Variants in DCTN1 observed in about 807,000 individuals in gnomAD.
DCTN1 encodes the protein 150 kDa dynein-associated polypeptide.
A neutral mutation model predicts 161.2 loss-of-function variants in DCTN1; 61 were observed. The observed-to-expected ratio is 0.38, with a 90% CI of 0.31 to 0.47. DCTN1 has a LOEUF of 0.47. Ranked by LOEUF, DCTN1 falls within the 20% of genes least tolerant of loss-of-function variation. DCTN1 has a pLI of 0.99. For missense variants in DCTN1, 1,404 were observed against 1,623.7 expected (o/e 0.86, Z 2.33); for synonymous variants, 653 against 632.4 (o/e 1.03, Z -0.49).
chr2:74,371,254 A>G, intron 8 of DCTN1, 78 bp from the exon 9 acceptor site: 1 of 1,606,274 alleles, frequency 6.2e-7, no homozygotes, highest in Non-Finnish European at 8.5e-7. Context: ...CAAAGAACAC[A>G]AGAAAGTGTG....
chr2:74,366,007 A>T lies in DCTN1; in HGVS notation c.2772T>A (p.Val924=). The change falls in exon 24 of 32, where the codon GTT becomes GTA. Residue 924 remains valine, a synonymous_variant. Coordinates refer to ENST00000628224, the MANE Select transcript of DCTN1 (RefSeq NM_004082.5). ...CACGAAGGGCAGCAGCCCGCAGTTC[A>T]ACCGGTGGAGGCTAAGGAATGGTCG... ...AERPPSKPPP[V]ELRAAALRAE... is the part of the protein sequence containing the mutation. 6.2e-7 allele frequency: 1 copy of T among 1,614,244 alleles called. No homozygotes were observed. Among genetic ancestry groups the T allele is most frequent in the Non-Finnish European group, 8.5e-7 (1 of 1,180,050 alleles).
At chr2:74,362,483 T>C (rs1181305378) in intron 30 of DCTN1, among the ~76,000 whole-genome samples, 167 bp downstream of exon 30, 3 of 152,156 alleles carry the variant, frequency 2.0e-5, no homozygotes. Context: ...GAATCTGTCT[T>C]CTGTTTGCAC....
At position 74,380,059 on chromosome 2, in the gene DCTN1, C is replaced by T. The variant is rs531651190; in HGVS notation, c.-22G>A. 6.2e-7 allele frequency: 1 copy of T among 1,613,986 alleles called. No individual in the cohort carries two copies. Among genetic ancestry groups the T allele is most frequent in the African/African-American group, 1.3e-5 (1 of 75,034 alleles). On this transcript the variant is annotated 5_prime_UTR_variant, in exon 1 of 32. Transcript: ENST00000628224. ...CCATGTTGCTCACCCGGCCTCTACC[C>T]CCTCCCCCAGCTGGCCAAAGACAGA...
chr2:74,382,594 CAA>C (rs567355218), upstream of DCTN1, among the ~76,000 whole-genome samples: 10 of 66,920 alleles, frequency 1.5e-4, no homozygotes, highest in Admixed American at 1.7e-4. Context: ...GACTGAGACT[CAA>C]AAAAAAAAAA....
At position 74,371,545 on chromosome 2, in the gene DCTN1, G is replaced by A; in HGVS notation, c.637C>T (p.Pro213Ser). The A allele has an allele frequency of 1.3e-6, 2 of 1,573,742 alleles. No individual in the cohort carries two copies. The highest frequency in any genetic ancestry group is 8.6e-7 in the Non-Finnish European group (1 of 1,159,796). ...CCTACCCCAGGCCTTACCTTGGATG[G>A]GGAAGGAAGCGGGGGGACTGCTCCA... The part of the protein sequence containing the change: ...SPGAVPPLPS[P>S]SKEEEGLRAQ... Residue 213 changes from proline (P) to serine (S), a missense_variant, in exon 8 of 32, where the codon CCA (proline) becomes TCA (serine). By Grantham distance (74) the Pro-to-Ser change is moderately conservative. Around this residue, in one of 9 missense-constraint regions of DCTN1, gnomAD observed 174 missense variants for 175.6 expected, o/e 0.99. Coordinates refer to ENST00000628224, the MANE Select transcript of DCTN1 (RefSeq NM_004082.5).
At chr2:74,380,435 T>C (rs1675465139), upstream of DCTN1, 4 of 489,538 alleles carry the variant, frequency 8.2e-6, no homozygotes, top group South Asian at 4.6e-5. Flanking sequence ...CACTCAACTC[T>C]TGAATACACT....
chr2:74,380,172 TC>T lies in DCTN1; in HGVS notation c.-136del. 1 of 912,612 alleles carries T rather than the reference TC, an allele frequency of 1.1e-6. No individual in the cohort carries two copies. The highest frequency in any genetic ancestry group is 1.8e-6 in the Non-Finnish European group (1 of 568,314). 56.5% of individuals were successfully genotyped at this position (912,612 alleles called of 1,614,324 possible). On this transcript the variant is annotated 5_prime_UTR_variant, in exon 1 of 32. The change creates a premature stop within an existing upstream ORF in the 5' untranslated region. Coordinates refer to ENST00000628224, the MANE Select transcript of DCTN1 (RefSeq NM_004082.5). ...AGTCGTCAGGCACAGCCCTCCCCAGTCCATGGGCCTCACTCGGTGGCCTACA... is the reference window on the plus strand; with the variant it reads ...AGTCGTCAGGCACAGCCCTCCCCAGTCATGGGCCTCACTCGGTGGCCTACA...
intron 25 of DCTN1, 43 bp from the exon 26 acceptor site, chr2:74,365,284 A>C: frequency 6.2e-7 from 1 of 1,611,692 alleles, no homozygotes; most frequent in Non-Finnish European, 8.5e-7. Context: ...CCTTCTCTAA[A>C]GCACTCCTTG....
In DCTN1 at chr2:74,363,309, C is replaced by T. The variant is rs1317446876; in HGVS notation, c.3330G>A (p.Glu1110=). The part of the protein sequence containing the change: ...MRLHISQLQH[E]NSILKGAQMK... ...GCTCCCTCACCTTGAGGATGCTGTT[C>T]TCATGCTGGAGCTGGGAGATGTGCA... The change falls in exon 28 of 32, where the codon GAG becomes GAA. Residue 1110 remains glutamate (E), a synonymous_variant. Transcript: ENST00000628224. The T allele has an allele frequency of 6.2e-7, 1 of 1,613,970 alleles. No homozygotes were observed. The highest frequency in any genetic ancestry group is 2.2e-5 in the East Asian group (1 of 44,878).
rs578075574 is a variant in DCTN1, at chr2:74,362,848, G to T, written c.3530-119C>A. ...CAGAACAAGTACTTGAGAGAGAGTGGGTGAATCAAACAAACTGAACAGTGA... is the reference window on the plus strand; with the variant it reads ...CAGAACAAGTACTTGAGAGAGAGTGTGTGAATCAAACAAACTGAACAGTGA... On this transcript the variant is annotated intron_variant, in intron 29 of 31. Coordinates refer to ENST00000628224, the MANE Select transcript of DCTN1 (RefSeq NM_004082.5). The T allele has an allele frequency of 1.3e-5, 17 of 1,298,624 alleles. No homozygotes were observed. In the South Asian group the frequency reaches 2.0e-4, roughly 15 times the overall value. The allele number at this position is 1,298,624 out of a possible 1,614,324, so 80.4% of individuals were successfully genotyped here.
Position 74,367,036 on chromosome 2 carries a change from T to C in DCTN1, c.2316+9A>G, listed in dbSNP as rs1349543938. ...AGAGGAGCTCACACAGATCTAGATG[T>C]GTTCTCACCTGCAAGAAGGCACGCA... On this transcript the variant is annotated intron_variant, in intron 20 of 31. Transcript: ENST00000628224. The C allele has an allele frequency of 6.2e-7, 1 of 1,614,210 alleles. No individual in the cohort carries two copies.
chr2:74,371,148 C>A lies in DCTN1; in HGVS notation c.674G>T (p.Arg225Leu). 6.2e-7 allele frequency: 1 copy of A among 1,614,018 alleles called. No individual in the cohort carries two copies. Among genetic ancestry groups the A allele is most frequent in the Non-Finnish European group, 8.5e-7 (1 of 1,180,048 alleles). The change falls in exon 9 of 32, where the codon CGG becomes CTG. Residue 225 changes from arginine to leucine, a missense_variant. Coordinates refer to ENST00000628224, the MANE Select transcript of DCTN1 (RefSeq NM_004082.5). ...GGTCTCTAGTTTCTCCTCCAGGTCC[C>A]GCACCTGAGCCCTTAGTCCCTCCTC... is the stretch of plus-strand genomic sequence containing the variant. ...KEEEGLRAQV[R>L]DLEEKLETLR...
rs1394864492 is a variant in DCTN1, at chr2:74,378,243, C to T, written c.36G>A (p.Thr12=). ...CCGCACTCATCCTGCTGCCGCTGGG[C>T]GTCTGAAAGACACAGGTAAACACAG... is the stretch of plus-strand genomic sequence containing the variant. ...AQSKRHVYSR[T]PSGSRMSAEA... The change falls in exon 2 of 32, where the codon ACG becomes ACA. Residue 12 remains threonine, a splice_region_variant and synonymous_variant. Transcript: ENST00000628224. 34 of 1,606,454 alleles carry T rather than the reference C, an allele frequency of 2.1e-5. No individual in the cohort carries two copies. The highest frequency in any genetic ancestry group is 2.7e-5 in the African/African-American group (2 of 74,914).
rs994460155 is a variant in DCTN1 at position 74,361,775 on chromosome 2, C to T, written c.3700-139G>A. The T allele has an allele frequency of 2.7e-6, 3 of 1,109,994 alleles. No homozygotes were observed. The Admixed American group carries it at 6.4e-5, about 24-fold the overall frequency. 68.8% of individuals were successfully genotyped at this position (1,109,994 alleles called of 1,614,324 possible). A position where few individuals can be genotyped will look rare whatever the true frequency, so the allele number is the denominator to read the frequency against. ...CTGAGATCCTGGGCTATTGTGACCACATTTTTCAAATAAGAATGGGGATAC... is the reference window on the plus strand; with the variant it reads ...CTGAGATCCTGGGCTATTGTGACCATATTTTTCAAATAAGAATGGGGATAC... On this transcript the variant is annotated intron_variant, in intron 31 of 31. Coordinates refer to ENST00000628224, the MANE Select transcript of DCTN1 (RefSeq NM_004082.5).
intron 29 of DCTN1, 67 bp downstream of exon 29, chr2:74,362,927 G>C (rs898428691): frequency 3.2e-6 from 5 of 1,566,386 alleles, no homozygotes; most frequent in Non-Finnish European, 4.4e-6. Flanking sequence ...CACCTGAGCA[G>C]GGGCTAAATC....
chr2:74,369,060 C>T lies in DCTN1; in HGVS notation c.1701+38G>A. Reference sequence around the variant, plus strand: ...AGCCCAGACCCCATACCAGTTCATCCCAGGCAGGGCTCCCTCAGACCCACA... The same window carrying T: ...AGCCCAGACCCCATACCAGTTCATCTCAGGCAGGGCTCCCTCAGACCCACA... On this transcript the variant is annotated intron_variant, in intron 15 of 31. Transcript: ENST00000628224. The surrounding 1 kb of genome is among the most constrained non-coding windows in gnomAD (Gnocchi z 4.9). 1 of 1,605,726 alleles carries T rather than the reference C, an allele frequency of 6.2e-7. No homozygotes were observed. The highest frequency in any genetic ancestry group is 1.1e-5 in the South Asian group (1 of 90,870).
chr2:74,376,063 A>G (rs1420953869), intron 5 of DCTN1, among the ~76,000 whole-genome samples: 1 of 152,174 alleles, frequency 6.6e-6, no homozygotes, highest in African/African-American at 2.4e-5. Flanking sequence ...CAGTGATCTA[A>G]GAGTTTAAAG....
At chr2:74,361,732 C>T (rs942850653) in intron 31 of DCTN1, 96 bp from the exon 32 acceptor site, 16 of 1,512,824 alleles carry the variant, frequency 1.1e-5, no homozygotes, top group Non-Finnish European at 1.5e-5. Flanking sequence ...CAAGGCAGCT[C>T]CTGGGTGACT....
chr2:74,376,294 C>A (rs72905426), intron 5 of DCTN1, among the ~76,000 whole-genome samples: 3,029 of 152,222 alleles, frequency 0.02, 106 homozygotes, highest in African/African-American at 0.069. Flanking sequence ...CAACTTGGGA[C>A]TGTTCTTCCT....
Sources: gnomAD v4.1 joint callset for allele counts (sites outside exome capture counted in the v4.1 genomes callset) on GRCh38, gnomAD v4.1.1 for gene constraint, gnomAD v4.1.1 regional missense constraint, Gnocchi (gnomAD v3.1) non-coding constraint, MANE v1.5 for transcripts, NCBI Gene and HGNC (gene_info 2026-07-23, HGNC 2026-07-21) for gene names.